MYO16: variants seen among roughly 807,000 people sequenced by gnomAD.
MYO16 encodes unconventional myosin-XVI.
Under a neutral mutation model 205.3 loss-of-function variants are expected in MYO16, and 94 were observed. That is an observed-to-expected ratio of 0.46 (90% CI 0.39 to 0.54). MYO16 has a LOEUF of 0.54. MYO16 is among the 20% of genes least tolerant of loss of function. The probability of loss-of-function intolerance (pLI) is 0.00; values close to 1 mark genes in which losing one functional copy is unlikely to be tolerated. For synonymous variants in MYO16, 988 were observed against 954.0 expected (o/e 1.04, Z -0.66); for missense variants, 2,315 against 2,387.5 (o/e 0.97, Z 0.63).
intron 20 of MYO16, among the ~76,000 whole-genome samples, chr13:108,980,835 T>C (rs1397316771): frequency 6.6e-6 from 1 of 152,214 alleles, no homozygotes; most frequent in Non-Finnish European, 1.5e-5. Context: ...TGAGATAGTC[T>C]TGGAGCTGCT....
At chr13:108,869,731 T>TAAAAAAAAAAAAAAAAAAA (rs68025820) in intron 12 of MYO16, among the ~76,000 whole-genome samples, 1 of 67,024 alleles carries the variant, frequency 1.5e-5, no homozygotes, top group Non-Finnish European at 2.8e-5. Context: ...ACTCCGTTTC[T>TAAAAAAAAAAAAAAAAAAA]AAAAAAAAAA....
At chr13:108,776,159 A>C (rs1886117359) in intron 4 of MYO16, among the ~76,000 whole-genome samples, 1 of 151,654 alleles carries the variant, frequency 6.6e-6, no homozygotes, top group South Asian at 2.1e-4. Context: ...AATTGTGGGA[A>C]ATATCATGGC....
intron 4 of MYO16, among the ~76,000 whole-genome samples, chr13:108,757,734 G>GT (rs1166214932): frequency 1.3e-5 from 2 of 151,978 alleles, no homozygotes; most frequent in Non-Finnish European, 2.9e-5. Flanking sequence ...GCGGTGTTTG[G>GT]TTTTTTGTCC....
At chr13:109,014,459 G>T (rs1210178238) in intron 22 of MYO16, among the ~76,000 whole-genome samples, 1 of 152,024 alleles carries the variant, frequency 6.6e-6, no homozygotes, top group African/African-American at 2.4e-5. Context: ...GCTCTTTTTT[G>T]GTTCCATATG....
the MYO16 span, among the ~76,000 whole-genome samples, chr13:108,537,029 T>A: frequency 6.6e-6 from 1 of 152,102 alleles, no homozygotes; most frequent in Admixed American, 6.6e-5. Flanking sequence ...CATGGATACA[T>A]TGGAAAATGG....
In MYO16 at chr13:108,829,399, G is replaced by A. The variant is rs140531885; in HGVS notation, c.1097+6121G>A. On this transcript the variant is annotated intron_variant, in intron 9 of 34. Transcript: ENST00000457511. ...TCTAAAGAAGAATGGCTTTGTAGCT[G>A]TAGGCTGAGACAAAAATAGTGGTAG... is the stretch of plus-strand genomic sequence containing the variant. Among the ~76,000 whole-genome samples, 561 of 152,350 alleles carry A rather than the reference G, an allele frequency of 3.7e-3. 5 individuals are homozygous for A. Among genetic ancestry groups the A allele is most frequent in the Non-Finnish European group, 5.2e-3 (351 of 68,038 alleles).
intron 21 of MYO16, among the ~76,000 whole-genome samples, chr13:108,994,755 A>G (rs1219618818): frequency 2.0e-5 from 3 of 152,168 alleles, no homozygotes; most frequent in Admixed American, 6.6e-5. Flanking sequence ...TGTGCTTTGT[A>G]TATAATAAAA....
At chr13:109,022,728 T>A (rs1197393434) in intron 23 of MYO16, among the ~76,000 whole-genome samples, 2 of 59,772 alleles carry the variant, frequency 3.3e-5, no homozygotes, top group African/African-American at 8.9e-5. Context: ...TATAAACATA[T>A]GTATATATTA....
chr13:108,869,655 C>T (rs995790439), intron 12 of MYO16, among the ~76,000 whole-genome samples: 4 of 138,848 alleles, frequency 2.9e-5, no homozygotes, highest in African/African-American at 1.1e-4. Context: ...GGCGTGAACC[C>T]GGGAGGCGGA....
chr13:109,198,988 TGAA>T (rs1470217805), intron 34 of MYO16, among the ~76,000 whole-genome samples: 4 of 151,784 alleles, frequency 2.6e-5, no homozygotes, highest in Admixed American at 6.6e-5. Flanking sequence ...TCATAGAAAA[TGAA>T]GTTTAATGTC....
At chr13:108,737,214 C>A (rs1448650393) in intron 4 of MYO16, among the ~76,000 whole-genome samples, 2 of 152,144 alleles carry the variant, frequency 1.3e-5, no homozygotes, top group Non-Finnish European at 2.9e-5. Flanking sequence ...CTGTCTTGTG[C>A]CAGTTTTTAA....
At chr13:108,676,649 C>A (rs1882225033) in intron 2 of MYO16, among the ~76,000 whole-genome samples, 1 of 152,084 alleles carries the variant, frequency 6.6e-6, no homozygotes, top group African/African-American at 2.4e-5. Context: ...AGAGGGAGGG[C>A]AGCATGAGAA....
At chr13:108,619,326 C>A (rs1232308837) in intron 1 of MYO16, among the ~76,000 whole-genome samples, 1 of 152,148 alleles carries the variant, frequency 6.6e-6, no homozygotes, top group Non-Finnish European at 1.5e-5. Flanking sequence ...TACAGCTTAG[C>A]TACTTCACGA....
At chr13:109,203,106 A>G (rs1880461677) in intron 34 of MYO16, among the ~76,000 whole-genome samples, 1 of 152,230 alleles carries the variant, frequency 6.6e-6, no homozygotes, top group African/African-American at 2.4e-5. Context: ...AAAAGATCAC[A>G]TCAGAAAAAC....
At chr13:108,753,025 G>A (rs1885291906) in intron 4 of MYO16, among the ~76,000 whole-genome samples, 1 of 151,734 alleles carries the variant, frequency 6.6e-6, no homozygotes, top group South Asian at 2.1e-4. Context: ...TAGGATAGAT[G>A]AGACATTACA....
At chr13:108,909,693 G>A (rs1381481505) in intron 15 of MYO16, among the ~76,000 whole-genome samples, 1 of 151,978 alleles carries the variant, frequency 6.6e-6, no homozygotes, top group East Asian at 1.9e-4. Context: ...GGATATTAAT[G>A]AGGAAAATTC....
In MYO16 at chr13:109,206,689, G is replaced by C; in HGVS notation, c.5496G>C (p.Glu1832Asp). The C allele has an allele frequency of 6.2e-7, 1 of 1,614,178 alleles. No homozygotes were observed. Among genetic ancestry groups the C allele is most frequent in the Non-Finnish European group, 8.5e-7 (1 of 1,180,028 alleles). The change falls in exon 35 of 35, where the codon GAG (glutamate) becomes GAC (aspartate). Residue 1832 changes from glutamate (E) to aspartate (D), a missense_variant. Physicochemically the swap from Glu to Asp is conservative, Grantham distance 45 (BLOSUM62 2). This residue lies in a region of MYO16 where 1,097 missense variants were observed against 1,092.0 expected (regional missense o/e 1.00). Transcript: ENST00000457511. Reference sequence around the variant, plus strand: ...TGGACTGGAGGAGAAAGCTCTGTGAGGAAGGACAAGACTGGCAGCAGATCC... The same window carrying C: ...TGGACTGGAGGAGAAAGCTCTGTGACGAAGGACAAGACTGGCAGCAGATCC... ...ELLDWRRKLC[E>D]EGQDWQQILH...
intron 16 of MYO16, among the ~76,000 whole-genome samples, chr13:108,935,442 A>G (rs1033438682): frequency 1.3e-5 from 2 of 152,138 alleles, no homozygotes; most frequent in Non-Finnish European, 1.5e-5. Flanking sequence ...TAGAAATGCT[A>G]CAGATTTTTC....
intron 27 of MYO16, among the ~76,000 whole-genome samples, chr13:109,069,192 G>A (rs1887849665): frequency 1.3e-5 from 2 of 152,298 alleles, no homozygotes; most frequent in Admixed American, 1.3e-4. Context: ...AGAAAGGAAA[G>A]TTCAAAGATC....
Sources: gnomAD v4.1 joint callset for allele counts (sites outside exome capture counted in the v4.1 genomes callset) on GRCh38, gnomAD v4.1.1 for gene constraint, gnomAD v4.1.1 regional missense constraint, MANE v1.5 for transcripts, NCBI Gene and HGNC (gene_info 2026-07-23, HGNC 2026-07-21) for gene names.